HMBOX1: variants seen among roughly 807,000 people sequenced by gnomAD.
HMBOX1 encodes homeobox containing 1.
A neutral mutation model predicts 54.5 loss-of-function variants in HMBOX1; 14 were observed. The ratio of observed to expected loss-of-function variants is 0.26; its 90% CI spans 0.17 to 0.40. The LOEUF is 0.40. Ranked by LOEUF, HMBOX1 falls within the 10% of genes least tolerant of loss-of-function variation. HMBOX1 has a pLI of 1.00. For synonymous variants in HMBOX1, 160 were observed against 181.0 expected (o/e 0.88, Z 0.93); for missense variants, 332 against 514.4 (o/e 0.65, Z 3.43).
At chr8:28,954,559 G>A (rs1824058191) in intron 1 of HMBOX1, among the ~76,000 whole-genome samples, 1 of 152,132 alleles carries the variant, frequency 6.6e-6, no homozygotes, top group African/African-American at 2.4e-5. Flanking sequence ...ATGCCAAGCT[G>A]TACAATGTAA....
chr8:28,953,400 T>TA (rs1479244841), intron 1 of HMBOX1, among the ~76,000 whole-genome samples: 1 of 152,188 alleles, frequency 6.6e-6, no homozygotes, highest in Non-Finnish European at 1.5e-5. Context: ...TCCTAAAAGG[T>TA]AAACTTGTCT....
chr8:28,947,467 T>A (rs963340888), intron 1 of HMBOX1, among the ~76,000 whole-genome samples: 9 of 152,232 alleles, frequency 5.9e-5, no homozygotes, highest in African/African-American at 2.2e-4. Flanking sequence ...CTCTGCCTTC[T>A]TTTCTTCCTT....
intron 3 of HMBOX1, among the ~76,000 whole-genome samples, chr8:28,975,970 G>A (rs1228191046): frequency 2.0e-5 from 3 of 152,074 alleles, no homozygotes; most frequent in East Asian, 3.8e-4. Context: ...AATGAGGGTC[G>A]GGGGTGATGT....
In HMBOX1 at chr8:29,052,358, T is replaced by A. The variant is rs1215920654; in HGVS notation, c.*1203T>A. On this transcript the variant is annotated 3_prime_UTR_variant, in exon 10 of 10. Transcript: ENST00000287701. ...TCTTTACTCTGTCCTTGGAGAGGTG[T>A]GAAAAGCTGTATTGCTACAGGCAAT... 6.6e-6 allele frequency: 1 copy of A among 152,204 alleles called. No individual in the cohort carries two copies. Among genetic ancestry groups the A allele is most frequent in the African/African-American group, 2.4e-5 (1 of 41,458 alleles). The allele number at this position is 152,204 out of a possible 1,614,324, so 9.4% of individuals were successfully genotyped here. A position where few individuals can be genotyped will look rare whatever the true frequency, so the allele number is the denominator to read the frequency against.
chr8:28,909,749 T>C (rs1563367155), intron 1 of HMBOX1, among the ~76,000 whole-genome samples: 1 of 152,170 alleles, frequency 6.6e-6, no homozygotes, highest in African/African-American at 2.4e-5. Flanking sequence ...TACTGACATA[T>C]AATTTATTTG....
chr8:28,935,778 C>T (rs1319435097), intron 1 of HMBOX1, among the ~76,000 whole-genome samples: 1 of 151,954 alleles, frequency 6.6e-6, no homozygotes, highest in Non-Finnish European at 1.5e-5. Flanking sequence ...GGGTATAATT[C>T]GCGGCTTTAT....
intron 2 of HMBOX1, among the ~76,000 whole-genome samples, chr8:28,966,463 T>C (rs1258693816): frequency 6.6e-6 from 1 of 152,226 alleles, no homozygotes; most frequent in Non-Finnish European, 1.5e-5. Flanking sequence ...GAACAATCCT[T>C]GTGCATAAGA....
At chr8:28,899,252 T>C (rs1812748509) in intron 1 of HMBOX1, among the ~76,000 whole-genome samples, 1 of 152,224 alleles carries the variant, frequency 6.6e-6, no homozygotes, top group African/African-American at 2.4e-5. Flanking sequence ...AGCATGAAAG[T>C]ATCTAGAAGC....
At chr8:28,950,510 T>C (rs909377418) in intron 1 of HMBOX1, among the ~76,000 whole-genome samples, 1 of 152,206 alleles carries the variant, frequency 6.6e-6, no homozygotes, top group Non-Finnish European at 1.5e-5. Context: ...GAATGCTAAA[T>C]GTAGTATATT....
rs185489781 is a variant in HMBOX1, at chr8:28,911,247, C to G, written c.-58+20569C>G. On this transcript the variant is annotated intron_variant, in intron 1 of 9. Transcript: ENST00000287701. The stretch of plus-strand genomic sequence containing the variant: ...CAGCCAGGCTTGTACAATGAGAAGA[C>G]CTGGGGGGAGGGTGCTGTCCTTGGC... Among the ~76,000 whole-genome samples the G allele has an allele frequency of 7.3e-3, 1,114 of 152,272 alleles. 7 individuals carry two copies. Among genetic ancestry groups the G allele is most frequent in the Non-Finnish European group, 0.012 (827 of 68,018 alleles).
chr8:28,992,758 T>C (rs929768915), intron 4 of HMBOX1, among the ~76,000 whole-genome samples: 4 of 149,002 alleles, frequency 2.7e-5, no homozygotes, highest in African/African-American at 9.9e-5. Flanking sequence ...TAATCCCAGC[T>C]ACTCAGGAGG....
intron 6 of HMBOX1, chr8:29,042,632 T>C (rs1199979961): frequency 2.2e-6 from 1 of 456,106 alleles, no homozygotes; most frequent in South Asian, 1.5e-5. Flanking sequence ...TTTATGACTT[T>C]GTCCAGGAAC....
At chr8:29,013,500 T>C (rs757856700) in intron 5 of HMBOX1, among the ~76,000 whole-genome samples, 1 of 152,232 alleles carries the variant, frequency 6.6e-6, no homozygotes, top group Non-Finnish European at 1.5e-5. Flanking sequence ...TTTTGTAAGT[T>C]TCTCTTTAAG....
rs1043699415 is a variant in HMBOX1 at position 29,010,233 on chromosome 8, A to G, written c.697+1051A>G. On this transcript the variant is annotated intron_variant, in intron 5 of 9. Transcript: ENST00000287701. ...AGAAAATTCAAAAGACTAACACAGT[A>G]GACACCTGTTTACTCTTTCTTAGAT... 1.4e-5 allele frequency: 10 copies of G among 692,028 alleles called. No homozygotes were observed. The African/African-American group carries it at 1.9e-4, about 13-fold the overall frequency. The allele number at this position is 692,028 out of a possible 1,614,324, so 42.9% of individuals were successfully genotyped here. A position where few individuals can be genotyped will look rare whatever the true frequency, so the allele number is the denominator to read the frequency against.
chr8:29,002,438 G>A (rs887492527), intron 4 of HMBOX1, among the ~76,000 whole-genome samples: 2 of 152,180 alleles, frequency 1.3e-5, no homozygotes, highest in Non-Finnish European at 2.9e-5. Flanking sequence ...CCCTGATGCA[G>A]TGTTGGAGGG....
upstream of HMBOX1, chr8:28,890,263 G>A (rs1400028880): frequency 5.1e-5 from 10 of 194,196 alleles, no homozygotes; most frequent in East Asian, 9.8e-4. Context: ...AAGGGAAGGC[G>A]GATGGGCACG....
chr8:28,955,504 G>A (rs926640282), intron 1 of HMBOX1, among the ~76,000 whole-genome samples: 4 of 152,056 alleles, frequency 2.6e-5, no homozygotes, highest in African/African-American at 9.7e-5. Context: ...TCTTAAAATA[G>A]CATTTTATTT....
intron 1 of HMBOX1, among the ~76,000 whole-genome samples, chr8:28,915,050 A>G (rs1481916079): frequency 6.6e-6 from 1 of 152,200 alleles, no homozygotes; most frequent in African/African-American, 2.4e-5. Flanking sequence ...AAGACAGGTA[A>G]GACTTCTGGC....
intron 1 of HMBOX1, among the ~76,000 whole-genome samples, chr8:28,949,019 G>T (rs939420867): frequency 7.2e-5 from 11 of 152,140 alleles, no homozygotes; most frequent in African/African-American, 2.7e-4. Flanking sequence ...TAATAAATCA[G>T]GGCATCTGTA....
Sources: allele counts gnomAD v4.1 joint callset (sites outside exome capture counted in the v4.1 genomes callset), GRCh38; gene constraint gnomAD v4.1.1; transcripts MANE v1.5; gene names NCBI Gene and HGNC (gene_info 2026-07-23, HGNC 2026-07-21).